FBXO25: variants seen among roughly 807,000 people sequenced by gnomAD.
The protein encoded by FBXO25 is F-box only protein 25.
A neutral mutation model predicts 51.9 loss-of-function variants in FBXO25; 45 were observed. That is an observed-to-expected ratio of 0.87 (90% CI 0.68 to 1.11). FBXO25 has a LOEUF of 1.11. Among genes scored for constraint, FBXO25 ranks in the 50% most tolerant of loss-of-function variants. FBXO25 has a pLI of 0.00. For synonymous variants in FBXO25, 199 were observed against 151.0 expected, an observed-to-expected ratio of 1.32 and a Z score of -2.33; for missense variants, 507 against 428.5, an observed-to-expected ratio of 1.18 and a Z score of -1.62.
intron 2 of FBXO25, among the ~76,000 whole-genome samples, chr8:414,789 C>A (rs1261996640): frequency 6.6e-6 from 1 of 152,196 alleles, no homozygotes; most frequent in Non-Finnish European, 1.5e-5. Flanking sequence ...ACGCTGGGTA[C>A]CCTCTGTAGG....
At chr8:409,071 T>C (rs762836467) in intron 1 of FBXO25, among the ~76,000 whole-genome samples, 5 of 152,316 alleles carry the variant, frequency 3.3e-5, no homozygotes, top group East Asian at 1.9e-4. Flanking sequence ...TATAAAACTT[T>C]AGTAGCATTG....
intron 2 of FBXO25, among the ~76,000 whole-genome samples, chr8:429,050 T>C (rs1797663064): frequency 1.6e-5 from 2 of 122,474 alleles, no homozygotes; most frequent in Admixed American, 1.5e-4. Context: ...CTTTTGAATA[T>C]ATACCCAGAA....
intron 1 of FBXO25, among the ~76,000 whole-genome samples, chr8:412,122 G>A (rs1384550863): frequency 1.3e-5 from 2 of 152,172 alleles, no homozygotes; most frequent in African/African-American, 4.8e-5. Flanking sequence ...TAATCACGAA[G>A]TTGCATCATT....
At position 474,103 on chromosome 8, in the gene FBXO25, C is replaced by G. The variant is rs1046149445; in HGVS notation, c.*5299C>G. 2 of 153,652 alleles carry G rather than the reference C, an allele frequency of 1.3e-5. No individual in the cohort carries two copies. Among genetic ancestry groups the G allele is most frequent in the Non-Finnish European group, 2.9e-5 (2 of 69,232 alleles). The allele number at this position is 153,652 out of a possible 1,614,324, so 9.5% of individuals were successfully genotyped here. On this transcript the variant is annotated 3_prime_UTR_variant, in exon 10 of 10. Transcript: ENST00000350302. ...ACTGAAGCTCTGTACCCATTAAGCA[C>G]CAACTCCCTATTCCCCATCCACCAG...
At chr8:413,807 C>A (rs566986784) in intron 2 of FBXO25, among the ~76,000 whole-genome samples, 63 of 152,314 alleles carry the variant, frequency 4.1e-4, no homozygotes, top group Non-Finnish European at 7.4e-4. Context: ...GTTGCCCACA[C>A]CTTGTTGGCT....
At chr8:447,508 C>T (rs990185889) in intron 5 of FBXO25, among the ~76,000 whole-genome samples, 1 of 152,144 alleles carries the variant, frequency 6.6e-6, no homozygotes, top group South Asian at 2.1e-4. Flanking sequence ...AGTTCTGTGG[C>T]AGGAGATCCC....
At chr8:451,573 A>C in intron 7 of FBXO25, 120 bp downstream of exon 7, 1 of 956,366 alleles carries the variant, frequency 1.0e-6, no homozygotes, top group Non-Finnish European at 1.5e-6. Context: ...TGCTTTCATA[A>C]GTATTCATTA....
At chr8:442,936 T>A (rs574993896) in intron 5 of FBXO25, among the ~76,000 whole-genome samples, 15 of 152,312 alleles carry the variant, frequency 9.8e-5, no homozygotes, top group African/African-American at 3.6e-4. Context: ...TTCCTATAAT[T>A]ACCCCCATAA....
rs771317602 is a variant in FBXO25 at position 467,780 on chromosome 8, G to A, written c.988-935G>A. 17 of 1,612,478 alleles carry A rather than the reference G, an allele frequency of 1.1e-5. No individual in the cohort carries two copies. The Admixed American group carries it at 1.7e-4, about 16-fold the overall frequency. ...CTGTCTTGCCACACATCCTGTGTTC[G>A]GGATGAAAACGTTGCATCGTGCTGC... On this transcript the variant is annotated intron_variant, in intron 9 of 9. Coordinates refer to ENST00000350302, the MANE Select transcript of FBXO25 (RefSeq NM_183420.2).
chr8:431,689 G>GA (rs1776605508), intron 3 of FBXO25, among the ~76,000 whole-genome samples: 1 of 152,188 alleles, frequency 6.6e-6, no homozygotes, highest in Non-Finnish European at 1.5e-5. Context: ...CTGAATGCTT[G>GA]AATTATGGTC....
intron 9 of FBXO25, among the ~76,000 whole-genome samples, chr8:463,963 CTTT>C (rs11445664): frequency 1.3e-5 from 2 of 149,330 alleles, no homozygotes; most frequent in South Asian, 2.2e-4. Flanking sequence ...TAATTCACTT[CTTT>C]TTTTTGTTTG....
chr8:451,235 T>A (rs1375440340), intron 6 of FBXO25, 34 bp from the exon 7 acceptor site: 2 of 1,560,182 alleles, frequency 1.3e-6, no homozygotes. Flanking sequence ...TGCTTAACTG[T>A]ATCAATCCAT....
At chr8:436,008 C>T (rs1369757074) in intron 5 of FBXO25, among the ~76,000 whole-genome samples, 2 of 152,242 alleles carry the variant, frequency 1.3e-5, no homozygotes, top group Non-Finnish European at 2.9e-5. Context: ...CACGTACCTA[C>T]ATACTGTGTC....
chr8:470,738 C>T lies in FBXO25; in HGVS notation c.*1934C>T, dbSNP rs1310248286. Reference sequence around the variant, plus strand: ...AGTAAGTACATTGAGTTTCCATTATCCCTGAAGCACAGGTATTTCTTTTTC... The same window carrying T: ...AGTAAGTACATTGAGTTTCCATTATTCCTGAAGCACAGGTATTTCTTTTTC... On this transcript the variant is annotated 3_prime_UTR_variant, in exon 10 of 10. Coordinates refer to ENST00000350302, the MANE Select transcript of FBXO25 (RefSeq NM_183420.2). 6.6e-6 allele frequency: 1 copy of T among 152,172 alleles called. No individual in the cohort carries two copies. Among genetic ancestry groups the T allele is most frequent in the Non-Finnish European group, 1.5e-5 (1 of 68,042 alleles). The allele number at this position is 152,172 out of a possible 1,614,324, so 9.4% of individuals were successfully genotyped here.
At chr8:438,113 G>A (rs1234374635) in intron 5 of FBXO25, among the ~76,000 whole-genome samples, 1 of 151,260 alleles carries the variant, frequency 6.6e-6, no homozygotes, top group Non-Finnish European at 1.5e-5. Context: ...GGAGTGCAGT[G>A]GCACGATCTC....
chr8:476,393 G>C lies in FBXO25; in HGVS notation c.*7589G>C, dbSNP rs904986216. ...AATGATGGCCTCATAGAATGCATTTGGAAGTGTCCTTTCCTCTTCAGTTTT... is the reference window on the plus strand; with the variant it reads ...AATGATGGCCTCATAGAATGCATTTCGAAGTGTCCTTTCCTCTTCAGTTTT... On this transcript the variant is annotated 3_prime_UTR_variant, in exon 10 of 10. Coordinates refer to ENST00000350302, the MANE Select transcript of FBXO25 (RefSeq NM_183420.2). The C allele has an allele frequency of 5.9e-5, 9 of 152,156 alleles. No individual in the cohort carries two copies. The highest frequency in any genetic ancestry group is 1.9e-4 in the African/African-American group (8 of 41,436). 9.4% of individuals were successfully genotyped at this position (152,156 alleles called of 1,614,324 possible).
chr8:453,858 C>G (rs1441414022), intron 7 of FBXO25, among the ~76,000 whole-genome samples: 1 of 152,072 alleles, frequency 6.6e-6, no homozygotes, highest in Non-Finnish European at 1.5e-5. Flanking sequence ...CGCGGTGGCC[C>G]ACACCTGTAA....
At chr8:458,871 A>G (rs1469611557) in intron 8 of FBXO25, among the ~76,000 whole-genome samples, 1 of 152,108 alleles carries the variant, frequency 6.6e-6, no homozygotes, top group Non-Finnish European at 1.5e-5. Flanking sequence ...TGATTTGATG[A>G]ATCAGATTCC....
At position 472,196 on chromosome 8, in the gene FBXO25, G is replaced by A. The variant is rs1006868387; in HGVS notation, c.*3392G>A. ...CACCATTAACTATGATGTTAACCCT[G>A]GGTTTTCCATACATACCCTCTATTA... On this transcript the variant is annotated 3_prime_UTR_variant, in exon 10 of 10. Transcript: ENST00000350302. 6 of 152,098 alleles carry A rather than the reference G, an allele frequency of 3.9e-5. No individual in the cohort carries two copies. The highest frequency in any genetic ancestry group is 1.4e-4 in the African/African-American group (6 of 41,412). The allele number at this position is 152,098 out of a possible 1,614,324, so 9.4% of individuals were successfully genotyped here. A position where few individuals can be genotyped will look rare whatever the true frequency, so the allele number is the denominator to read the frequency against.
Sources: gnomAD v4.1 joint callset for allele counts (sites outside exome capture counted in the v4.1 genomes callset) on GRCh38, gnomAD v4.1.1 for gene constraint, MANE v1.5 for transcripts, NCBI Gene and HGNC (gene_info 2026-07-23, HGNC 2026-07-21) for gene names.